LAMP3: variants seen among roughly 807,000 people sequenced by gnomAD.
LAMP3 encodes lysosome associated membrane protein 3, also known as lysosome-associated membrane glycoprotein 3.
Under a neutral mutation model 34.8 loss-of-function variants are expected in LAMP3, and 26 were observed. The ratio of observed to expected loss-of-function variants is 0.75; its 90% CI spans 0.55 to 1.04. LAMP3 has a LOEUF of 1.04. LAMP3 is among the 50% of genes least tolerant of loss of function. The pLI, the probability that LAMP3 is intolerant of heterozygous loss-of-function variation, is 0.00. For missense variants in LAMP3, 495 were observed against 524.0 expected (o/e 0.94, Z 0.54); for synonymous variants, 180 against 201.9 (o/e 0.89, Z 0.92).
chr3:183,127,510 A>G (rs536386917), intron 5 of LAMP3, among the ~76,000 whole-genome samples: 3 of 151,750 alleles, frequency 2.0e-5, no homozygotes, highest in African/African-American at 7.3e-5. Flanking sequence ...AACTGATTTT[A>G]TTGTGAAATT....
intron 4 of LAMP3, among the ~76,000 whole-genome samples, chr3:183,138,066 G>A (rs1340922204): frequency 6.6e-6 from 1 of 151,900 alleles, no homozygotes; most frequent in Non-Finnish European, 1.5e-5. Context: ...GAGGTGATCT[G>A]CCCACCTCAG....
chr3:183,145,796 G>T (rs923730454), intron 3 of LAMP3, among the ~76,000 whole-genome samples: 5 of 152,194 alleles, frequency 3.3e-5, no homozygotes, highest in Admixed American at 6.5e-5. Flanking sequence ...GGCAGAGTTT[G>T]CAGTGAGCCG....
At chr3:183,146,343 C>T (rs561156533) in intron 3 of LAMP3, among the ~76,000 whole-genome samples, 1 of 152,238 alleles carries the variant, frequency 6.6e-6, no homozygotes, top group Admixed American at 6.5e-5. Context: ...AAAGCAGCAA[C>T]ATTTCAAAAG....
At chr3:183,162,795 G>A (rs1033958263), upstream of LAMP3, 2 of 762,656 alleles carry the variant, frequency 2.6e-6, no homozygotes, top group Non-Finnish European at 4.0e-6. Context: ...CAGGGCCGCT[G>A]GGCGGGGAGG....
At chr3:183,131,010 T>A (rs890096926) in intron 5 of LAMP3, among the ~76,000 whole-genome samples, 5 of 152,148 alleles carry the variant, frequency 3.3e-5, no homozygotes, top group Admixed American at 3.3e-4. Flanking sequence ...GGACTGTGAG[T>A]AAATTACACA....
At chr3:183,130,553 T>G (rs1180894217) in intron 5 of LAMP3, among the ~76,000 whole-genome samples, 8 of 152,238 alleles carry the variant, frequency 5.3e-5, no homozygotes, top group Admixed American at 5.2e-4. Context: ...TGCTCATGCT[T>G]GAGCGTGGCA....
At position 183,162,669 on chromosome 3, in the gene LAMP3, C is replaced by T. The variant is rs776882773; in HGVS notation, c.-14G>A. On this transcript the variant is annotated 5_prime_UTR_variant, in exon 1 of 6. Coordinates refer to ENST00000265598, the MANE Select transcript of LAMP3 (RefSeq NM_014398.4). ...CTGCCGGGGCATGGTGGGCGCTGGG[C>T]GAGGTTCTGCAGCGTGCGGCGAAGT... 2.6e-6 allele frequency: 4 copies of T among 1,532,992 alleles called. No individual in the cohort carries two copies. Among genetic ancestry groups the T allele is most frequent in the South Asian group, 2.4e-5 (2 of 82,500 alleles). The allele number at this position is 1,532,992 out of a possible 1,614,324, so 95.0% of individuals were successfully genotyped here.
At chr3:183,153,655 T>C in intron 2 of LAMP3, 27 bp downstream of exon 2, 1 of 1,449,714 alleles carries the variant, frequency 6.9e-7, no homozygotes, top group Non-Finnish European at 9.3e-7. Context: ...TTGAAGATAG[T>C]GTTATAGTCC....
upstream of LAMP3, among the ~76,000 whole-genome samples, chr3:183,163,110 A>G (rs1721030295): frequency 6.6e-6 from 1 of 151,602 alleles, no homozygotes; most frequent in Non-Finnish European, 1.5e-5. Context: ...GGCATGCACC[A>G]CCACACCCGG....
At chr3:183,156,319 C>A (rs1720821014) in intron 1 of LAMP3, among the ~76,000 whole-genome samples, 1 of 152,088 alleles carries the variant, frequency 6.6e-6, no homozygotes. Flanking sequence ...TGAGATCATG[C>A]CATTGCACTC....
rs1463452562 is a variant in LAMP3, at chr3:183,149,558, AAAAAAAAAAAAAAAAAATATATATATAT to A, written c.888+2789_888+2816del. Among the ~76,000 whole-genome samples, 6 of 25,776 alleles carry A rather than the reference AAAAAAAAAAAAAAAAAATATATATATAT, an allele frequency of 2.3e-4. 1 individual carries two copies. Among genetic ancestry groups the A allele is most frequent in the Middle Eastern group, 0.012 (1 of 84 alleles). 16.9% of individuals were successfully genotyped at this position (25,776 alleles called of 152,430 possible). On this transcript the variant is annotated intron_variant, in intron 3 of 5. Coordinates refer to ENST00000265598, the MANE Select transcript of LAMP3 (RefSeq NM_014398.4). ...AGACTCCAACTCAAAAAAAAAAAAA[AAAAAAAAAAAAAAAAAATATATATATAT>A]ATATATATATATATATATATGTATA...
At chr3:183,138,826 A>G (rs1720182765) in intron 4 of LAMP3, among the ~76,000 whole-genome samples, 1 of 151,852 alleles carries the variant, frequency 6.6e-6, no homozygotes, top group Admixed American at 6.6e-5. Flanking sequence ...CCTCGACCTC[A>G]CCTGCTGCTT....
At chr3:183,128,349 T>C (rs1015041183) in intron 5 of LAMP3, among the ~76,000 whole-genome samples, 4 of 152,186 alleles carry the variant, frequency 2.6e-5, no homozygotes, top group Admixed American at 6.5e-5. Context: ...AGAACAATAA[T>C]GAATATACTA....
chr3:183,137,482 A>G (rs1312293414), intron 4 of LAMP3, among the ~76,000 whole-genome samples: 1 of 152,162 alleles, frequency 6.6e-6, no homozygotes, highest in African/African-American at 2.4e-5. Flanking sequence ...TCTGCTTAGT[A>G]GTTACAGTAA....
Position 183,162,623 on chromosome 3 carries a change from G to A in LAMP3, c.33C>T (p.Leu11=). Reference sequence around the variant, plus strand: ...GCCACTCACCGGCCAGGGACGCGAAGAGCGCGGCCGCCGCGCTGAGCTGCC... The same window carrying A: ...GCCACTCACCGGCCAGGGACGCGAAAAGCGCGGCCGCCGCGCTGAGCTGCC... The part of the protein sequence containing the change: MPRQLSAAAA[L]FASLAVILHD... Residue 11 remains leucine, a synonymous_variant, in exon 1 of 6, where the codon CTC becomes CTT. Transcript: ENST00000265598. 6.5e-7 allele frequency: 1 copy of A among 1,545,036 alleles called. No individual in the cohort carries two copies. Among genetic ancestry groups the A allele is most frequent in the Non-Finnish European group, 8.7e-7 (1 of 1,145,906 alleles).
At chr3:183,148,218 T>A (rs1720504921) in intron 3 of LAMP3, among the ~76,000 whole-genome samples, 1 of 152,122 alleles carries the variant, frequency 6.6e-6, no homozygotes. Context: ...TTGAAACCAC[T>A]AAAAGAAATC....
At chr3:183,140,916 A>T (rs1326945870) in intron 3 of LAMP3, among the ~76,000 whole-genome samples, 4 of 152,206 alleles carry the variant, frequency 2.6e-5, no homozygotes, top group African/African-American at 7.2e-5. Flanking sequence ...ATGCAAGTCC[A>T]TTGGGAAGAT....
In LAMP3 at chr3:183,123,898, A is replaced by G; in HGVS notation, c.*183T>C. On this transcript the variant is annotated 3_prime_UTR_variant, in exon 6 of 6. Coordinates refer to ENST00000265598, the MANE Select transcript of LAMP3 (RefSeq NM_014398.4). Reference sequence around the variant, plus strand: ...CTATATCTTTCATAAAATAAACAAAAAGTATTTAGAAATTGATGTGCTGCC... The same window carrying G: ...CTATATCTTTCATAAAATAAACAAAGAGTATTTAGAAATTGATGTGCTGCC... 1.7e-6 allele frequency: 1 copy of G among 589,030 alleles called. No individual in the cohort carries two copies. Among genetic ancestry groups the G allele is most frequent in the Non-Finnish European group, 2.9e-6 (1 of 342,732 alleles). The allele number at this position is 589,030 out of a possible 1,614,324, so 36.5% of individuals were successfully genotyped here.
chr3:183,140,359 C>T (rs186424094), intron 4 of LAMP3, among the ~76,000 whole-genome samples, 179 bp downstream of exon 4: 5 of 130,910 alleles, frequency 3.8e-5, no homozygotes, highest in Admixed American at 9.8e-5. Context: ...GGGAGCCGAG[C>T]GAGATCGTGC....
Sources: allele counts gnomAD v4.1 joint callset (sites outside exome capture counted in the v4.1 genomes callset), GRCh38; gene constraint gnomAD v4.1.1; transcripts MANE v1.5; gene names NCBI Gene and HGNC (gene_info 2026-07-23, HGNC 2026-07-21).